Variants in RABEP2 observed in about 807,000 individuals in gnomAD.
The protein encoded by RABEP2 is rabaptin, RAB GTPase binding effector protein 2, also known as rab GTPase-binding effector protein 2.
RABEP2 carries 57 observed loss-of-function variants against 74.1 expected under a neutral mutation model. The observed-to-expected ratio is 0.77, with a 90% CI of 0.62 to 0.96. RABEP2 has a LOEUF of 0.96. Among genes scored for constraint, RABEP2 ranks in the 40% least tolerant of loss-of-function variants. RABEP2 has a pLI of 0.00. For synonymous variants in RABEP2, 351 were observed against 344.0 expected, an observed-to-expected ratio of 1.02 and a Z score of -0.23; for missense variants, 692 against 756.3, an observed-to-expected ratio of 0.91 and a Z score of 1.00.
chr16:28,925,052 C>G, intron 1 of RABEP2, 51 bp downstream of exon 1: 1 of 1,538,700 alleles, frequency 6.5e-7, no homozygotes, highest in Non-Finnish European at 8.7e-7. Context: ...CTGGCTCGGC[C>G]CCGCCCCCAG....
chr16:28,919,606 A>T, intron 3 of RABEP2, 180 bp downstream of exon 3: 1 of 543,628 alleles, frequency 1.8e-6, no homozygotes, highest in Non-Finnish European at 2.9e-6. Flanking sequence ...CCCACTAATA[A>T]GGGGCAAGCC....
intron 8 of RABEP2, 126 bp downstream of exon 8, chr16:28,908,483 G>A (rs1381915885): frequency 6.1e-6 from 6 of 976,310 alleles, no homozygotes; most frequent in Non-Finnish European, 8.8e-6. Flanking sequence ...GAGCCTTAGA[G>A]AAGGCAAATG....
chr16:28,905,491 G>A lies in RABEP2; in HGVS notation c.1514C>T (p.Ser505Leu). The A allele has an allele frequency of 3.7e-6, 6 of 1,611,100 alleles. No individual in the cohort carries two copies. Among genetic ancestry groups the A allele is most frequent in the Non-Finnish European group, 5.1e-6 (6 of 1,179,310 alleles). The change falls in exon 12 of 13, where the codon TCA (serine) becomes TTA (leucine). Residue 505 changes from serine to leucine, a missense_variant. Transcript: ENST00000358201. ...CCGCAGCACCTTGGCCCTCTGTTCT[G>A]AGAGGAGGTCTGGGAGCTGGGCCTG... ...QSKAQLPDLL[S>L]EQRAKVLRLQ...
At chr16:28,920,623 C>A (rs1014057126) in intron 2 of RABEP2, among the ~76,000 whole-genome samples, 1 of 151,882 alleles carries the variant, frequency 6.6e-6, no homozygotes, top group Non-Finnish European at 1.5e-5. Flanking sequence ...TGACCTCAAG[C>A]GATCCGCCCG....
intron 3 of RABEP2, among the ~76,000 whole-genome samples, chr16:28,918,430 C>A (rs1205714725): frequency 6.6e-6 from 1 of 151,960 alleles, no homozygotes; most frequent in Non-Finnish European, 1.5e-5. Flanking sequence ...CTGGCCAACA[C>A]GGTGAAACCC....
chr16:28,909,112 T>C (rs1417084183), intron 7 of RABEP2, among the ~76,000 whole-genome samples: 2 of 152,064 alleles, frequency 1.3e-5, no homozygotes, highest in Non-Finnish European at 2.9e-5. Context: ...AGTCTCCCTC[T>C]GTCACTCAGG....
rs1964298638 is a variant in RABEP2, at chr16:28,910,620, T to A, written c.1089+268A>T. On this transcript the variant is annotated intron_variant, in intron 7 of 12. Transcript: ENST00000358201. Reference sequence around the variant, plus strand: ...TGACTCTGCAAACTAGGGCCCATTATGTCAGTTTTATAGATGGTGAGGCAG... The same window carrying A: ...TGACTCTGCAAACTAGGGCCCATTAAGTCAGTTTTATAGATGGTGAGGCAG... The A allele has an allele frequency of 7.7e-6, 3 of 390,262 alleles. No individual in the cohort carries two copies. The Admixed American group carries it at 1.3e-4, about 16-fold the overall frequency. 24.2% of individuals were successfully genotyped at this position (390,262 alleles called of 1,614,324 possible). A position where few individuals can be genotyped will look rare whatever the true frequency, so the allele number is the denominator to read the frequency against.
At chr16:28,919,972 AGGGAG>A (rs771949670) in intron 2 of RABEP2, 29 bp from the exon 3 acceptor site, 1 of 1,541,648 alleles carries the variant, frequency 6.5e-7, no homozygotes, top group South Asian at 1.2e-5. Flanking sequence ...GGTGGGAGAG[AGGGAG>A]GGTCAATGAG....
chr16:28,922,033 G>A (rs773830681), intron 2 of RABEP2, among the ~76,000 whole-genome samples: 1 of 152,050 alleles, frequency 6.6e-6, no homozygotes, highest in African/African-American at 2.4e-5. Flanking sequence ...GTGCAGTGGT[G>A]CAATCATAGT....
At chr16:28,916,056 G>C (rs1306870988) in intron 3 of RABEP2, 1 of 151,252 alleles carries the variant, frequency 6.6e-6, no homozygotes, top group Non-Finnish European at 1.5e-5. Context: ...GGCCAGGCTG[G>C]TCTCGAACTC....
intron 5 of RABEP2, 106 bp from the exon 6 acceptor site, chr16:28,911,285 C>T (rs1490811319): frequency 1.4e-5 from 14 of 992,910 alleles, no homozygotes; most frequent in East Asian, 2.6e-5. Flanking sequence ...CCACACAGTC[C>T]GTCAAATTAC....
rs1304720147 is a variant in RABEP2 at position 28,924,592 on chromosome 16, C to T, written c.85G>A (p.Glu29Lys). 6.2e-7 allele frequency: 1 copy of T among 1,612,150 alleles called. No individual in the cohort carries two copies. The highest frequency in any genetic ancestry group is 8.5e-7 in the Non-Finnish European group (1 of 1,180,012). ...GAALEDSRSQ[E>K]GANGEAESGE... ...GACTCGGCCTCACCATTTGCCCCTT[C>T]CTGGGACCGGGAGTCCTCCAGTGCT... The change falls in exon 2 of 13, where the codon GAA becomes AAA. Residue 29 changes from glutamate (E) to lysine (K), a missense_variant. Transcript: ENST00000358201.
In RABEP2 at chr16:28,904,846, G is replaced by T; in HGVS notation, c.*97C>A. 3 of 924,770 alleles carry T rather than the reference G, an allele frequency of 3.2e-6. No homozygotes were observed. Among genetic ancestry groups the T allele is most frequent in the East Asian group, 2.6e-5 (1 of 39,086 alleles). The allele number at this position is 924,770 out of a possible 1,614,324, so 57.3% of individuals were successfully genotyped here. On this transcript the variant is annotated 3_prime_UTR_variant, in exon 13 of 13. Coordinates refer to ENST00000358201, the MANE Select transcript of RABEP2 (RefSeq NM_024816.3). ...TCCCCTCAACCCCAGTCTCAGGGAC[G>T]GTGGAAAAGCCATCCAAGACCCCAG...
At chr16:28,906,861 A>C (rs921156805) in intron 8 of RABEP2, among the ~76,000 whole-genome samples, 1 of 152,214 alleles carries the variant, frequency 6.6e-6, no homozygotes, top group Non-Finnish European at 1.5e-5. Context: ...CAGGAGGCTG[A>C]GGCAGGAGAA....
intron 2 of RABEP2, among the ~76,000 whole-genome samples, chr16:28,920,320 ACC>A (rs1408441730): frequency 1.3e-5 from 2 of 151,528 alleles, no homozygotes; most frequent in Non-Finnish European, 2.9e-5. Flanking sequence ...ATTAATATAT[ACC>A]AGGAACAGTC....
Position 28,906,133 on chromosome 16 carries a change from G to T in RABEP2, c.1309C>A (p.His437Asn). 1 of 1,581,318 alleles carries T rather than the reference G, an allele frequency of 6.3e-7. No individual in the cohort carries two copies. Residue 437 changes from histidine to asparagine, a missense_variant, in exon 9 of 13, where the codon CAC becomes AAC. His to Asn is a moderately conservative substitution (Grantham distance 68, BLOSUM62 1). Coordinates refer to ENST00000358201, the MANE Select transcript of RABEP2 (RefSeq NM_024816.3). ...TCGATCCGCAGGCGCTCGGCCCCGTGCTCCTGGGCCTGCAGCCGGGCCCTC... is the reference window on the plus strand; with the variant it reads ...TCGATCCGCAGGCGCTCGGCCCCGTTCTCCTGGGCCTGCAGCCGGGCCCTC... ...EARARLQAQE[H>N]GAERLRIEIV... is the part of the protein sequence containing the mutation.
chr16:28,910,610 GGGCCC>G, intron 7 of RABEP2: 1 of 368,664 alleles, frequency 2.7e-6, no homozygotes, highest in Non-Finnish European at 5.0e-6. Flanking sequence ...CTGCAAACTA[GGGCCC>G]ATTATGTCAG....
At chr16:28,924,795 C>CCTA (rs1297099581) in intron 1 of RABEP2, 180 bp from the exon 2 acceptor site, 1 of 654,696 alleles carries the variant, frequency 1.5e-6, no homozygotes, top group Admixed American at 2.1e-5. Flanking sequence ...CCGGGTGCTG[C>CCTA]CTACACTCCA....
Position 28,905,721 on chromosome 16 carries a change from G to A in RABEP2, c.1474C>T (p.Gln492Ter), listed in dbSNP as rs757244815. ...CSLRTEMERVQQEQSKAQLPD... is the reference protein window; with the variant it reads ...CSLRTEMERV ...CCCCTCACCTTGCTCTGTTCCTGCT[G>A]CACCCGCTCCATCTCTGTCCTCAGG... Residue 492 changes from glutamine (Q) to a stop codon, truncating the protein, a stop_gained, in exon 11 of 13, where the codon CAG becomes TAG. Transcript: ENST00000358201. LOFTEE classifies it high-confidence loss of function. 4 of 1,613,784 alleles carry A rather than the reference G, an allele frequency of 2.5e-6. No homozygotes were observed. Among genetic ancestry groups the A allele is most frequent in the Non-Finnish European group, 3.4e-6 (4 of 1,179,906 alleles).
Sources: allele counts gnomAD v4.1 joint callset (sites outside exome capture counted in the v4.1 genomes callset), GRCh38; gene constraint gnomAD v4.1.1; transcripts MANE v1.5; gene names NCBI Gene and HGNC (gene_info 2026-07-23, HGNC 2026-07-21).